XPO4: variants seen among roughly 807,000 people sequenced by gnomAD.
XPO4 encodes the protein exportin-4.
Under a neutral mutation model 143.0 loss-of-function variants are expected in XPO4, and 39 were observed. The ratio of observed to expected loss-of-function variants is 0.27; its 90% confidence interval spans 0.21 to 0.36. XPO4 has a LOEUF of 0.36. XPO4 is among the 10% of genes least tolerant of loss of function. XPO4 has a pLI of 1.00. For synonymous variants in XPO4, 439 were observed against 474.0 expected, an observed-to-expected ratio of 0.93 and a Z score of 0.96; for missense variants, 907 against 1,348.0, an observed-to-expected ratio of 0.67 and a Z score of 5.12.
At chr13:20,825,585 C>G (rs1484269860) in intron 7 of XPO4, among the ~76,000 whole-genome samples, 1 of 152,184 alleles carries the variant, frequency 6.6e-6, no homozygotes, top group African/African-American at 2.4e-5. Context: ...TTTGTCTAGA[C>G]AGCTGTTCAG....
intron 6 of XPO4, among the ~76,000 whole-genome samples, chr13:20,832,978 A>T (rs372495298): frequency 2.0e-5 from 3 of 152,200 alleles, no homozygotes. Flanking sequence ...AATAAAAGGC[A>T]GTGTAACCAA....
intron 16 of XPO4, 124 bp downstream of exon 16, chr13:20,799,034 AAAGAAAG>A: frequency 1.0e-6 from 1 of 967,854 alleles, no homozygotes; most frequent in Admixed American, 2.6e-5. Flanking sequence ...AAAAAAAAAA[AAAGAAAG>A]AAAGAAAGAA....
Position 20,796,867 on chromosome 13 carries a change from C to A in XPO4, c.2513G>T (p.Cys838Phe), listed in dbSNP as rs1275360902. Residue 838 changes from cysteine (C) to phenylalanine (F), a missense_variant, in exon 17 of 23, where the codon TGC (cysteine) becomes TTC (phenylalanine). Cys to Phe is a radical substitution (Grantham distance 205). Transcript: ENST00000255305. ...CTTGTAAACTTCCATCAATCCAATGCAATTGGTAAGGAAGTCCATTAAAAA... is the reference window on the plus strand; with the variant it reads ...CTTGTAAACTTCCATCAATCCAATGAAATTGGTAAGGAAGTCCATTAAAAA... ...FNFLMDFLTN[C>F]IGLMEVYKNT... 2.5e-6 allele frequency: 4 copies of A among 1,613,892 alleles called. No individual in the cohort carries two copies. Among genetic ancestry groups the A allele is most frequent in the Non-Finnish European group, 3.4e-6 (4 of 1,179,984 alleles).
intron 2 of XPO4, chr13:20,863,100 C>T (rs1405323106): frequency 3.4e-6 from 4 of 1,184,782 alleles, no homozygotes; most frequent in Non-Finnish European, 4.2e-6. Flanking sequence ...CTCTCTTCAA[C>T]TGTTACTTCC....
intron 7 of XPO4, among the ~76,000 whole-genome samples, chr13:20,823,004 C>T (rs2059739647): frequency 6.6e-6 from 1 of 152,164 alleles, no homozygotes; most frequent in Non-Finnish European, 1.5e-5. Context: ...TCTTGAAATA[C>T]TGCTCCCTAG....
At chr13:20,811,288 CTTT>C (rs769614867) in intron 9 of XPO4, among the ~76,000 whole-genome samples, 7 of 136,684 alleles carry the variant, frequency 5.1e-5, no homozygotes, top group Non-Finnish European at 6.4e-5. Context: ...ATGCTTTTTT[CTTT>C]TTTTTTTTTT....
At chr13:20,849,096 A>G in intron 4 of XPO4, 2 of 985,428 alleles carry the variant, frequency 2.0e-6, no homozygotes, top group South Asian at 4.7e-5. Context: ...ATACTCAAAC[A>G]CTAACTCCAG....
At chr13:20,795,459 G>C (rs1267585771) in intron 18 of XPO4, among the ~76,000 whole-genome samples, 42 of 152,286 alleles carry the variant, frequency 2.8e-4, no homozygotes, top group Non-Finnish European at 7.4e-5. Flanking sequence ...ATACCCATTT[G>C]ACCAGCTAGT....
intron 6 of XPO4, among the ~76,000 whole-genome samples, chr13:20,834,001 G>A (rs1465004915): frequency 1.3e-5 from 2 of 152,104 alleles, no homozygotes; most frequent in East Asian, 3.9e-4. Flanking sequence ...AACAGAATGA[G>A]AAGCAAGTGA....
intron 9 of XPO4, among the ~76,000 whole-genome samples, chr13:20,811,330 C>T (rs1318878640): frequency 2.0e-5 from 3 of 150,868 alleles, no homozygotes; most frequent in Non-Finnish European, 4.4e-5. Context: ...CTCTGTTACC[C>T]AGGCTGGAGT....
At chr13:20,797,120 G>T in intron 16 of XPO4, 63 bp from the exon 17 acceptor site, 1 of 1,448,592 alleles carries the variant, frequency 6.9e-7, no homozygotes, top group Non-Finnish European at 9.2e-7. Context: ...CCTCTGCTTG[G>T]ATACATATTC....
chr13:20,887,422 T>C (rs1220192073), intron 1 of XPO4, among the ~76,000 whole-genome samples: 1 of 152,210 alleles, frequency 6.6e-6, no homozygotes, highest in African/African-American at 2.4e-5. Flanking sequence ...ACGTATGCAA[T>C]TATGTCAATT....
chr13:20,800,759 A>T, intron 14 of XPO4, 72 bp downstream of exon 14: 1 of 1,556,736 alleles, frequency 6.4e-7, no homozygotes, highest in Non-Finnish European at 8.7e-7. Context: ...AAAACCACCA[A>T]GAAAAATGTT....
intron 7 of XPO4, among the ~76,000 whole-genome samples, chr13:20,825,591 T>C (rs1237213315): frequency 3.3e-5 from 5 of 152,190 alleles, no homozygotes; most frequent in African/African-American, 1.2e-4. Context: ...TAGACAGCTG[T>C]TCAGATCTGG....
chr13:20,898,036 A>T (rs2060585669), intron 1 of XPO4, among the ~76,000 whole-genome samples: 1 of 152,170 alleles, frequency 6.6e-6, no homozygotes, highest in Admixed American at 6.6e-5. Flanking sequence ...TACAGGTGTG[A>T]GCCACCATGC....
At chr13:20,859,938 G>C in intron 3 of XPO4, 2 of 736,630 alleles carry the variant, frequency 2.7e-6, no homozygotes, top group Non-Finnish European at 3.3e-6. Context: ...TTGGGGAATG[G>C]CGACAAGGGG....
chr13:20,792,830 G>T (rs1198048446), intron 18 of XPO4, among the ~76,000 whole-genome samples: 1 of 151,274 alleles, frequency 6.6e-6, no homozygotes, highest in Non-Finnish European at 1.5e-5. Context: ...TTGTTGCCCA[G>T]GCTGGAGTGC....
intron 7 of XPO4, among the ~76,000 whole-genome samples, chr13:20,824,000 G>A (rs772113472): frequency 7.2e-5 from 11 of 152,142 alleles, no homozygotes; most frequent in East Asian, 1.9e-4. Flanking sequence ...GAACACCGCC[G>A]TGCTTATTTA....
chr13:20,793,570 T>C (rs767595979), intron 18 of XPO4, among the ~76,000 whole-genome samples: 12 of 152,048 alleles, frequency 7.9e-5, no homozygotes, highest in Non-Finnish European at 1.0e-4. Flanking sequence ...GACTGATTGA[T>C]TGAAACAGAG....
Sources: allele counts gnomAD v4.1 joint callset (sites outside exome capture counted in the v4.1 genomes callset), GRCh38; gene constraint gnomAD v4.1.1; transcripts MANE v1.5; gene names NCBI Gene and HGNC (gene_info 2026-07-23, HGNC 2026-07-21).